PCDH15: variants seen among roughly 807,000 people sequenced by gnomAD.
The protein encoded by PCDH15 is protocadherin related 15.
PCDH15 carries 129 observed loss-of-function variants against 178.5 expected under a neutral mutation model. That is an observed-to-expected ratio of 0.72 (90% confidence interval 0.63 to 0.84). The LOEUF (loss-of-function observed/expected upper bound fraction) is 0.84. Ranked by LOEUF, PCDH15 falls within the 40% of genes least tolerant of loss-of-function variation. The probability of loss-of-function intolerance (pLI) is 0.00; values close to 1 mark genes in which losing one functional copy is unlikely to be tolerated. For synonymous variants in PCDH15, 800 were observed against 732.0 expected, an observed-to-expected ratio of 1.09 and a Z score of -1.50; for missense variants, 2,230 against 2,099.9, an observed-to-expected ratio of 1.06 and a Z score of -1.21.
intron 15 of PCDH15, among the ~76,000 whole-genome samples, chr10:54,123,674 A>G (rs2041750140): frequency 6.6e-6 from 1 of 152,134 alleles, no homozygotes; most frequent in Non-Finnish European, 1.5e-5. Flanking sequence ...CCCAAAAGAA[A>G]ATAAATTGAC....
At chr10:54,472,873 A>G (rs994746045) in intron 3 of PCDH15, among the ~76,000 whole-genome samples, 2 of 152,140 alleles carry the variant, frequency 1.3e-5, no homozygotes, top group Non-Finnish European at 2.9e-5. Flanking sequence ...AATATATCCT[A>G]TATACAGAGG....
intron 1 of PCDH15, among the ~76,000 whole-genome samples, chr10:55,205,901 T>C (rs1202349503): frequency 6.6e-6 from 1 of 152,020 alleles, no homozygotes; most frequent in African/African-American, 2.4e-5. Context: ...GCAAGTCATA[T>C]CTTACGTTGA....
chr10:53,954,955 G>A (rs1429104231), intron 23 of PCDH15, among the ~76,000 whole-genome samples: 1 of 152,156 alleles, frequency 6.6e-6, no homozygotes, highest in Non-Finnish European at 1.5e-5. Flanking sequence ...CTATGAATCT[G>A]TAAATTGTTT....
chr10:54,997,762 C>T (rs968360764), intron 2 of PCDH15, among the ~76,000 whole-genome samples: 1 of 151,998 alleles, frequency 6.6e-6, no homozygotes, highest in Non-Finnish European at 1.5e-5. Flanking sequence ...TTGTCTAATA[C>T]TTCAGTTCTT....
rs189431609 is a variant in PCDH15 at position 54,269,336 on chromosome 10, G to A, written c.877-32405C>T. Among the ~76,000 whole-genome samples the A allele has an allele frequency of 1.7e-3, 264 of 151,988 alleles. 1 individual carries two copies. Among genetic ancestry groups the A allele is most frequent in the African/African-American group, 5.9e-3 (243 of 41,530 alleles). On this transcript the variant is annotated intron_variant, in intron 8 of 37. Transcript: ENST00000644397. ...GGTAGTTAGTAAGGTGTATAAAAAC[G>A]ACTTTGTAAAGAACAATTAATATAG... is the stretch of plus-strand genomic sequence containing the variant.
At position 54,953,949 on chromosome 10, in the gene PCDH15, GA is replaced by G. The variant is rs1376799560; in HGVS notation, c.-79-56450del. Among the ~76,000 whole-genome samples the G allele has an allele frequency of 4.0e-5, 6 of 150,976 alleles. No homozygotes were observed. In the South Asian group the frequency reaches 6.2e-4, roughly 16 times the overall value. On this transcript the variant is annotated intron_variant, in intron 2 of 5. Transcript: ENST00000458638. Reference sequence around the variant, plus strand: ...TCAGTTTTGTTTAATATTTTGATAGGATTTTTTTCTGGTACTTTAAGTGTTA... The same window carrying G: ...TCAGTTTTGTTTAATATTTTGATAGGTTTTTTTCTGGTACTTTAAGTGTTA...
intron 3 of PCDH15, among the ~76,000 whole-genome samples, chr10:54,490,039 C>T (rs57365036): frequency 0.058 from 8,796 of 152,238 alleles, 264 homozygotes; most frequent in East Asian, 0.11. Flanking sequence ...ATTTCTGCTT[C>T]TCTGACATGA....
chr10:54,341,304 T>C (rs1175956553), intron 6 of PCDH15, among the ~76,000 whole-genome samples: 1 of 152,154 alleles, frequency 6.6e-6, no homozygotes, highest in Admixed American at 6.5e-5. Flanking sequence ...GTTTCCCCCA[T>C]GCTGTTCTCC....
chr10:54,805,051 T>A (rs767089814), upstream of PCDH15, among the ~76,000 whole-genome samples: 1 of 149,788 alleles, frequency 6.7e-6, no homozygotes, highest in Non-Finnish European at 1.5e-5. Context: ...ATTAACTAAA[T>A]ATAATATTTC....
At chr10:54,790,581 T>G (rs1446927503) in intron 1 of PCDH15, among the ~76,000 whole-genome samples, 2 of 151,804 alleles carry the variant, frequency 1.3e-5, no homozygotes, top group Non-Finnish European at 2.9e-5. Flanking sequence ...TAACAAATCC[T>G]CTGAGCGAGC....
At chr10:54,697,515 G>GTATATATATATATATATATATATA (rs141387823) in intron 1 of PCDH15, among the ~76,000 whole-genome samples, 23 of 143,098 alleles carry the variant, frequency 1.6e-4, no homozygotes, top group African/African-American at 5.5e-4. Context: ...TGAAATGTGT[G>GTATATATATATATATATATATATA]TATATATATA....
intron 2 of PCDH15, among the ~76,000 whole-genome samples, chr10:55,395,224 AGAGAG>A (rs1449569908): frequency 6.8e-6 from 1 of 146,582 alleles, no homozygotes; most frequent in African/African-American, 2.5e-5. Context: ...AGAGAGAGAG[AGAGAG>A]AGAAAGAGAC....
intron 1 of PCDH15, among the ~76,000 whole-genome samples, chr10:55,272,534 A>G (rs1041537146): frequency 6.6e-6 from 1 of 151,694 alleles, no homozygotes; most frequent in African/African-American, 2.4e-5. Flanking sequence ...GACACACACC[A>G]CCACACCCGG....
intron 1 of PCDH15, among the ~76,000 whole-genome samples, chr10:54,766,274 G>T (rs569413508): frequency 4.2e-4 from 64 of 151,974 alleles, no homozygotes; most frequent in Non-Finnish European, 6.8e-4. Flanking sequence ...ATGAGAGAAA[G>T]AGATAAATTA....
intron 1 of PCDH15, among the ~76,000 whole-genome samples, chr10:54,798,226 T>C (rs1430999888): frequency 6.6e-6 from 1 of 151,906 alleles, no homozygotes; most frequent in Non-Finnish European, 1.5e-5. Flanking sequence ...TGAGCACTAA[T>C]GAGTCACCAC....
At chr10:55,199,493 A>G (rs139170521) in intron 1 of PCDH15, among the ~76,000 whole-genome samples, 89 of 152,212 alleles carry the variant, frequency 5.8e-4, no homozygotes, top group African/African-American at 2.1e-3. Context: ...GAGATCATAA[A>G]AGTTTGGAAA....
chr10:54,730,865 G>A (rs1287876397), intron 1 of PCDH15, among the ~76,000 whole-genome samples: 2 of 151,310 alleles, frequency 1.3e-5, no homozygotes, highest in Non-Finnish European at 3.0e-5. Flanking sequence ...CTTTGTGTGT[G>A]TAATATCTCA....
intron 13 of PCDH15, among the ~76,000 whole-genome samples, chr10:54,183,142 C>G (rs1015247495): frequency 1.3e-5 from 2 of 151,962 alleles, no homozygotes; most frequent in South Asian, 2.1e-4. Context: ...CCACCATACC[C>G]GGCTAATTTT....
At chr10:54,618,961 T>C (rs1421816782) in intron 2 of PCDH15, among the ~76,000 whole-genome samples, 1 of 152,050 alleles carries the variant, frequency 6.6e-6, no homozygotes, top group African/African-American at 2.4e-5. Context: ...CAAATGGATG[T>C]TTTCATTAAA....
Sources: allele counts gnomAD v4.1 joint callset (sites outside exome capture counted in the v4.1 genomes callset), GRCh38; gene constraint gnomAD v4.1.1; transcripts MANE v1.5; gene names NCBI Gene and HGNC (gene_info 2026-07-23, HGNC 2026-07-21).